ADCK1: variants seen among roughly 807,000 people sequenced by gnomAD.
ADCK1 encodes the protein aarF domain containing kinase 1, also known as aarF domain-containing protein kinase 1.
Under a neutral mutation model 52.3 loss-of-function variants are expected in ADCK1, and 41 were observed. The ratio of observed to expected loss-of-function variants is 0.78; its 90% CI spans 0.61 to 1.02. The LOEUF is 1.02. ADCK1 is among the 50% of genes least tolerant of loss of function. The probability of loss-of-function intolerance (pLI) is 0.00; values close to 1 mark genes in which losing one functional copy is unlikely to be tolerated. For missense variants in ADCK1, 658 were observed against 679.5 expected (o/e 0.97, Z 0.35); for synonymous variants, 250 against 274.6 (o/e 0.91, Z 0.89).
At chr14:77,808,729 C>A (rs1026349375) in intron 1 of ADCK1, among the ~76,000 whole-genome samples, 14 of 152,130 alleles carry the variant, frequency 9.2e-5, no homozygotes, top group African/African-American at 3.4e-4. Flanking sequence ...GCGCCCACTA[C>A]CACGCCTGGT....
rs1207258945 is a variant in ADCK1, at chr14:77,845,374, ATAGTAAATACT to A, written c.220-13699_220-13689del. ...AAGGGTTCAGAGTAGGGCCTAACAC[ATAGTAAATACT>A]TAATCCATGATAGTAGCTCAATTAA... On this transcript the variant is annotated intron_variant, in intron 3 of 10. Coordinates refer to ENST00000238561, the MANE Select transcript of ADCK1 (RefSeq NM_020421.4). Among the ~76,000 whole-genome samples, 3 of 152,206 alleles carry A rather than the reference ATAGTAAATACT, an allele frequency of 2.0e-5. No homozygotes were observed. In the East Asian group the frequency reaches 5.8e-4, roughly 29 times the overall value.
intron 5 of ADCK1, among the ~76,000 whole-genome samples, chr14:77,896,591 T>C (rs2083414198): frequency 6.6e-6 from 1 of 152,226 alleles, no homozygotes; most frequent in Admixed American, 6.5e-5. Context: ...CTGTTTCCCG[T>C]TCACTTGCTC....
chr14:77,809,954 C>T (rs1481426378), intron 1 of ADCK1, among the ~76,000 whole-genome samples: 2 of 146,298 alleles, frequency 1.4e-5, no homozygotes, highest in Non-Finnish European at 3.0e-5. Context: ...AGGAGAATCA[C>T]TTGAGCCCAG....
chr14:77,866,250 A>G (rs1041850241), intron 4 of ADCK1, among the ~76,000 whole-genome samples: 1 of 152,234 alleles, frequency 6.6e-6, no homozygotes, highest in Non-Finnish European at 1.5e-5. Flanking sequence ...AAACATAGAA[A>G]AGGTTCAGTA....
chr14:77,902,810 G>A (rs1329826611), intron 6 of ADCK1: 3 of 152,234 alleles, frequency 2.0e-5, no homozygotes, highest in Non-Finnish European at 2.9e-5. Context: ...TTCTTCATCA[G>A]GAGCTGCTGC....
chr14:77,909,429 C>T (rs1210625238), intron 7 of ADCK1, among the ~76,000 whole-genome samples: 1 of 152,206 alleles, frequency 6.6e-6, no homozygotes, highest in Non-Finnish European at 1.5e-5. Flanking sequence ...GCCACCGCGC[C>T]TGGCTGTGAA....
intron 1 of ADCK1, among the ~76,000 whole-genome samples, chr14:77,811,547 CT>C (rs1382911173): frequency 6.6e-6 from 1 of 152,170 alleles, no homozygotes; most frequent in African/African-American, 2.4e-5. Flanking sequence ...GGCTCAACGC[CT>C]GTAATCCCAG....
At chr14:77,811,416 A>G (rs115634906) in intron 1 of ADCK1, among the ~76,000 whole-genome samples, 1 of 152,062 alleles carries the variant, frequency 6.6e-6, no homozygotes, top group South Asian at 2.1e-4. Context: ...CAGCTTGCCT[A>G]TGGTCACCCA....
intron 7 of ADCK1, chr14:77,914,344 G>T: frequency 1.1e-6 from 1 of 923,356 alleles, no homozygotes; most frequent in Non-Finnish European, 1.3e-6. Flanking sequence ...TGAAGGAGTA[G>T]AGTCCGTGGC....
At chr14:77,859,017 C>A in intron 3 of ADCK1, 59 bp from the exon 4 acceptor site, 4 of 1,469,330 alleles carry the variant, frequency 2.7e-6, no homozygotes, top group Non-Finnish European at 3.7e-6. Flanking sequence ...GTGAAGGGAA[C>A]AAGGTGTAGG....
At position 77,931,515 on chromosome 14, in the gene ADCK1, C is replaced by G. The variant is rs2084334083; in HGVS notation, c.1207-3C>G. The G allele has an allele frequency of 3.7e-6, 6 of 1,611,796 alleles. No individual in the cohort carries two copies. Among genetic ancestry groups the G allele is most frequent in the Non-Finnish European group, 5.1e-6 (6 of 1,178,388 alleles). On this transcript the variant is annotated splice_region_variant and splice_polypyrimidine_tract_variant and intron_variant, in intron 9 of 10. Coordinates refer to ENST00000238561, the MANE Select transcript of ADCK1 (RefSeq NM_020421.4). ...TGTTTCTGTTGCCCCATTGCTGCTT[C>G]AGGACTTAGAGATTCGCAACAACGC...
In ADCK1 at chr14:77,836,280, A is replaced by G. The variant is rs572668876; in HGVS notation, c.219+13762A>G. ...CCCAGCCTCTAGAACTATTTAAAAC[A>G]ATGTTTTGTTTTGTTTTTAAAAAGT... On this transcript the variant is annotated intron_variant, in intron 3 of 10. Transcript: ENST00000238561. Among the ~76,000 whole-genome samples, 18 of 152,272 alleles carry G rather than the reference A, an allele frequency of 1.2e-4. No individual in the cohort carries two copies. The South Asian group carries it at 2.5e-3, about 21-fold the overall frequency.
intron 4 of ADCK1, among the ~76,000 whole-genome samples, chr14:77,859,817 T>C (rs1035896702): frequency 6.6e-6 from 1 of 152,250 alleles, no homozygotes; most frequent in African/African-American, 2.4e-5. Flanking sequence ...TAGTACCTGA[T>C]GTAGAGCAAG....
chr14:77,858,933 T>C lies in ADCK1; in HGVS notation c.220-143T>C, dbSNP rs938440446. The C allele has an allele frequency of 7.3e-6, 5 of 688,034 alleles. No homozygotes were observed. The African/African-American group carries it at 9.0e-5, about 12-fold the overall frequency. The allele number at this position is 688,034 out of a possible 1,614,324, so 42.6% of individuals were successfully genotyped here. A position where few individuals can be genotyped will look rare whatever the true frequency, so the allele number is the denominator to read the frequency against. Reference sequence around the variant, plus strand: ...GCTGGACACCAAGGGAAAAGGTGTGTGTGTGTGCGTGTGTGTGCATGCATC... The same window carrying C: ...GCTGGACACCAAGGGAAAAGGTGTGCGTGTGTGCGTGTGTGTGCATGCATC... On this transcript the variant is annotated intron_variant, in intron 3 of 10. Coordinates refer to ENST00000238561, the MANE Select transcript of ADCK1 (RefSeq NM_020421.4).
At chr14:77,867,551 A>G (rs2082688377) in intron 4 of ADCK1, among the ~76,000 whole-genome samples, 1 of 152,226 alleles carries the variant, frequency 6.6e-6, no homozygotes, top group Non-Finnish European at 1.5e-5. Flanking sequence ...TAAAATTGCA[A>G]TTTAACTAGT....
At chr14:77,842,880 T>TTTTC (rs869039222) in intron 3 of ADCK1, among the ~76,000 whole-genome samples, 2 of 123,298 alleles carry the variant, frequency 1.6e-5, no homozygotes, top group East Asian at 2.0e-4. Flanking sequence ...TTTTCTTTTC[T>TTTTC]TTTCTTTCTT....
chr14:77,868,661 G>A (rs540389734), intron 4 of ADCK1, among the ~76,000 whole-genome samples: 17 of 152,172 alleles, frequency 1.1e-4, no homozygotes, highest in African/African-American at 2.7e-4. Flanking sequence ...CCCTCTGATC[G>A]GCTGGTGTGT....
At chr14:77,825,869 T>C (rs2081690508) in intron 3 of ADCK1, among the ~76,000 whole-genome samples, 1 of 152,096 alleles carries the variant, frequency 6.6e-6, no homozygotes, top group African/African-American at 2.4e-5. Flanking sequence ...TGCCCCTCTT[T>C]CTCCAGCTAA....
chr14:77,877,871 G>T (rs1161689711), intron 4 of ADCK1, among the ~76,000 whole-genome samples: 1 of 152,190 alleles, frequency 6.6e-6, no homozygotes, highest in Non-Finnish European at 1.5e-5. Context: ...CTTCCAAAGT[G>T]CTGGGATTAC....
Sources: allele counts gnomAD v4.1 joint callset (sites outside exome capture counted in the v4.1 genomes callset), GRCh38; gene constraint gnomAD v4.1.1; transcripts MANE v1.5; gene names NCBI Gene and HGNC (gene_info 2026-07-23, HGNC 2026-07-21).